Variants in SSU72L6 observed in about 807,000 individuals in gnomAD.
SSU72L6 encodes the protein SSU72 like 6.
the SSU72L6 span, chr7:124,476,320 C>T: frequency 3.9e-5 from 28 of 708,966 alleles, no homozygotes; most frequent in East Asian, 1.2e-4. Flanking sequence ...GCTCAGAGTC[C>T]CTGCAGCAGC....
At chr7:124,477,136 TA>T in the SSU72L6 span, among the ~76,000 whole-genome samples, 2 of 152,212 alleles carry the variant, frequency 1.3e-5, no homozygotes, top group African/African-American at 2.4e-5. Flanking sequence ...TGAGAAGGAC[TA>T]ACAGTTTTAA....
chr7:124,476,839 G>A, the SSU72L6 span: 3 of 770,232 alleles, frequency 3.9e-6, no homozygotes, highest in Admixed American at 5.1e-5. Context: ...CCTCATCTGT[G>A]AGATTTGCCA....
At chr7:124,477,380 T>G in the SSU72L6 span, among the ~76,000 whole-genome samples, 2 of 148,692 alleles carry the variant, frequency 1.3e-5, no homozygotes, top group Admixed American at 6.7e-5. Context: ...ATTTGAGTGG[T>G]TTTTTTTTTA....
At chr7:124,476,333 A>G in the SSU72L6 span, 14 of 733,966 alleles carry the variant, frequency 1.9e-5, no homozygotes, top group Non-Finnish European at 3.3e-5. Flanking sequence ...GCAGCAGCTG[A>G]GGTGCCTGTG....
chr7:124,476,535 C>A, the SSU72L6 span: 3 of 780,658 alleles, frequency 3.8e-6, no homozygotes, highest in South Asian at 4.0e-5. Context: ...CTGTAGTTTA[C>A]GATTTTGCAA....
At chr7:124,476,470 C>G in the SSU72L6 span, 1 of 780,496 alleles carries the variant, frequency 1.3e-6, no homozygotes, top group South Asian at 1.3e-5. Flanking sequence ...GCTAAGTGTC[C>G]GGTCTTTCGG....
chr7:124,476,984 C>T, the SSU72L6 span: 115 of 699,130 alleles, frequency 1.6e-4, no homozygotes, highest in Middle Eastern at 1.2e-3. Context: ...TCTCCTTCCT[C>T]GGTAAGAACT....
At chr7:124,476,834 T>C in the SSU72L6 span, 5 of 770,900 alleles carry the variant, frequency 6.5e-6, no homozygotes, top group Admixed American at 8.5e-5. Flanking sequence ...GCTTTCCTCA[T>C]CTGTGAGATT....
the SSU72L6 span, among the ~76,000 whole-genome samples, chr7:124,477,403 T>C: frequency 6.6e-6 from 1 of 151,956 alleles, no homozygotes; most frequent in Non-Finnish European, 1.5e-5. Context: ...TTTTAAATTT[T>C]TTAAGTTATT....
chr7:124,476,810 G>C, the SSU72L6 span: 1 of 775,692 alleles, frequency 1.3e-6, no homozygotes, highest in African/African-American at 1.7e-5. Context: ...ACCCTGGAAG[G>C]TGCCATCCTG....
At chr7:124,476,697 T>C in the SSU72L6 span, 2 of 780,718 alleles carry the variant, frequency 2.6e-6, no homozygotes, top group Non-Finnish European at 4.8e-6. Context: ...ATGTCATCTT[T>C]ACCTGTGAGG....
the SSU72L6 span, among the ~76,000 whole-genome samples, chr7:124,477,538 T>C: frequency 6.6e-6 from 1 of 151,848 alleles, no homozygotes; most frequent in South Asian, 2.1e-4. Context: ...TAATGCTCAC[T>C]TTAATAGGTA....
chr7:124,477,514 T>C, the SSU72L6 span, among the ~76,000 whole-genome samples: 2 of 152,110 alleles, frequency 1.3e-5, no homozygotes, highest in South Asian at 2.1e-4. Context: ...ACATATAGAT[T>C]ATATCTTTTT....
At chr7:124,477,065 T>C in the SSU72L6 span, 16 of 607,492 alleles carry the variant, frequency 2.6e-5, no homozygotes, top group Non-Finnish European at 4.4e-5. Context: ...GTGCTGTTTG[T>C]ATTACTTTTG....
At chr7:124,477,006 C>T in the SSU72L6 span, 5 of 658,818 alleles carry the variant, frequency 7.6e-6, no homozygotes, top group African/African-American at 8.9e-5. Context: ...AGGCATGGGA[C>T]TTTAGTCCAG....
At chr7:124,477,590 T>C in the SSU72L6 span, among the ~76,000 whole-genome samples, 1 of 151,334 alleles carries the variant, frequency 6.6e-6, no homozygotes, top group South Asian at 2.1e-4. Flanking sequence ...TTGTAAAATT[T>C]GGAATTATCT....
chr7:124,477,016 G>T, the SSU72L6 span: 1 of 641,022 alleles, frequency 1.6e-6, no homozygotes, highest in South Asian at 1.8e-5. Context: ...CTTTAGTCCA[G>T]ATTGATTGTG....
At chr7:124,477,517 A>C in the SSU72L6 span, among the ~76,000 whole-genome samples, 1 of 152,162 alleles carries the variant, frequency 6.6e-6, no homozygotes, top group African/African-American at 2.4e-5. Flanking sequence ...TATAGATTAT[A>C]TCTTTTTTAC....
At chr7:124,477,308 G>T in the SSU72L6 span, among the ~76,000 whole-genome samples, 119 of 152,158 alleles carry the variant, frequency 7.8e-4, no homozygotes, top group African/African-American at 2.6e-3. Flanking sequence ...TTGTTTAAGG[G>T]TATTCAGCAG....
Sources: allele counts gnomAD v4.1 joint callset (sites outside exome capture counted in the v4.1 genomes callset), GRCh38; gene constraint gnomAD v4.1.1; transcripts MANE v1.5; gene names NCBI Gene and HGNC (gene_info 2026-07-23, HGNC 2026-07-21).